The following TIAM1 variants were observed in gnomAD, a reference collection of about 807,000 sequenced individuals.
TIAM1 encodes rho guanine nucleotide exchange factor TIAM1.
Under a neutral mutation model 163.5 loss-of-function variants are expected in TIAM1, and 65 were observed. The observed-to-expected ratio is 0.40, with a 90% confidence interval of 0.33 to 0.49. TIAM1 has a LOEUF of 0.49. TIAM1 is among the 20% of genes least tolerant of loss of function. TIAM1 has a pLI of 0.77. For synonymous variants in TIAM1, 833 were observed against 810.1 expected (o/e 1.03, Z -0.48); for missense variants, 1,789 against 2,044.7 (o/e 0.87, Z 2.41).
intron 2 of TIAM1, among the ~76,000 whole-genome samples, chr21:31,425,452 C>T (rs112437857): frequency 0.028 from 4,241 of 152,160 alleles, 180 homozygotes; most frequent in African/African-American, 0.095. Context: ...GAGTGCCAAG[C>T]AGGTTAGACA....
intron 3 of TIAM1, among the ~76,000 whole-genome samples, chr21:31,275,215 T>C (rs1411589281): frequency 2.0e-5 from 3 of 152,224 alleles, no homozygotes; most frequent in Non-Finnish European, 4.4e-5. Flanking sequence ...AAAGCAATTA[T>C]TCCGGATGGA....
intron 1 of TIAM1, among the ~76,000 whole-genome samples, chr21:31,490,558 A>C (rs1244558947): frequency 6.6e-6 from 1 of 152,184 alleles, no homozygotes; most frequent in Non-Finnish European, 1.5e-5. Context: ...AGACTCAGGG[A>C]ACCGCCGCTG....
chr21:31,451,662 A>G (rs1173660781), intron 2 of TIAM1, among the ~76,000 whole-genome samples: 1 of 115,838 alleles, frequency 8.6e-6, no homozygotes, highest in Non-Finnish European at 2.0e-5. Context: ...TCATAGAGAA[A>G]AGGATGGACA....
intron 13 of TIAM1, among the ~76,000 whole-genome samples, chr21:31,194,260 T>C (rs1481559195): frequency 1.3e-5 from 2 of 152,058 alleles, no homozygotes; most frequent in Non-Finnish European, 2.9e-5. Flanking sequence ...TTCAGTATAA[T>C]TTGCTATTAA....
intron 2 of TIAM1, among the ~76,000 whole-genome samples, chr21:31,409,020 G>GGT (rs1569305388): frequency 2.6e-5 from 4 of 151,912 alleles, no homozygotes; most frequent in African/African-American, 9.7e-5. Context: ...TCATCAGTGC[G>GGT]GTGGGTCCTA....
At chr21:31,227,714 G>A (rs551979322) in intron 6 of TIAM1, among the ~76,000 whole-genome samples, 1 of 152,252 alleles carries the variant, frequency 6.6e-6, no homozygotes, top group East Asian at 1.9e-4. Flanking sequence ...TTTTATAGTT[G>A]TCTCCTCTTT....
At chr21:31,511,517 A>G (rs1391052185) in intron 1 of TIAM1, among the ~76,000 whole-genome samples, 1 of 152,174 alleles carries the variant, frequency 6.6e-6, no homozygotes, top group Non-Finnish European at 1.5e-5. Flanking sequence ...GCATGATAAT[A>G]ATAGTATCTA....
At position 31,315,679 on chromosome 21, in the gene TIAM1, C is replaced by CAAAAAAAAAAAAAAAAAA. The variant is rs58560437; in HGVS notation, c.-189+23546_-189+23563dup. On this transcript the variant is annotated intron_variant, in intron 2 of 27. Transcript: ENST00000541036. Reference sequence around the variant, plus strand: ...GGGCAACAAGAGCAAAACTCCATCTCAAAAAAAAAAAAAAAAAAAAGGACA... The same window carrying CAAAAAAAAAAAAAAAAAA: ...GGGCAACAAGAGCAAAACTCCATCTCAAAAAAAAAAAAAAAAAAAAAAAAAAAAAAAAAAAAAAGGACA... 1.5e-3 allele frequency among the ~76,000 whole-genome samples: 119 copies of CAAAAAAAAAAAAAAAAAA among 80,238 alleles called. 4 individuals are homozygous for CAAAAAAAAAAAAAAAAAA. The highest frequency in any genetic ancestry group is 2.7e-3 in the African/African-American group (61 of 22,362). 52.6% of individuals were successfully genotyped at this position (80,238 alleles called of 152,430 possible). A position where few individuals can be genotyped will look rare whatever the true frequency, so the allele number is the denominator to read the frequency against.
At chr21:31,388,212 AACACACACACACACACACACACAC>A (rs11369323) in intron 2 of TIAM1, among the ~76,000 whole-genome samples, 7 of 115,846 alleles carry the variant, frequency 6.0e-5, no homozygotes, top group Admixed American at 5.2e-4. Context: ...AGAAGACCCT[AACACACACACACACACACACACAC>A]ACACACACAC....
intron 2 of TIAM1, among the ~76,000 whole-genome samples, chr21:31,280,056 T>G (rs1474310763): frequency 6.6e-6 from 1 of 151,712 alleles, no homozygotes; most frequent in Non-Finnish European, 1.5e-5. Flanking sequence ...ACAGCCATAC[T>G]GATGAAATCC....
chr21:31,211,329 C>A (rs1287763780), intron 10 of TIAM1, among the ~76,000 whole-genome samples: 1 of 152,118 alleles, frequency 6.6e-6, no homozygotes, highest in Non-Finnish European at 1.5e-5. Flanking sequence ...ATGTTAGGAG[C>A]CCCGCGAAAT....
intron 27 of TIAM1, among the ~76,000 whole-genome samples, chr21:31,123,309 G>A (rs2082068905): frequency 6.6e-6 from 1 of 152,158 alleles, no homozygotes; most frequent in Non-Finnish European, 1.5e-5. Flanking sequence ...AAGAGGGGCA[G>A]ATAAGACAAA....
rs4817392 is a variant in TIAM1, at chr21:31,295,277, C to A, written c.-188-18369G>T. ...TGAAGTCAGGAAATCGAGACCATCC[C>A]GGCTAACACGGTGAAACCCCGTCTC... On this transcript the variant is annotated intron_variant, in intron 2 of 27. Coordinates refer to ENST00000541036, the MANE Select transcript of TIAM1 (RefSeq NM_001353694.2). Among the ~76,000 whole-genome samples the A allele has an allele frequency of 1.1e-3, 160 of 151,986 alleles. 4 individuals carry two copies. The South Asian group carries it at 0.027, about 26-fold the overall frequency.
intron 1 of TIAM1, among the ~76,000 whole-genome samples, chr21:31,467,742 G>A (rs373010491): frequency 2.4e-4 from 36 of 152,178 alleles, no homozygotes; most frequent in Middle Eastern, 3.4e-3. Context: ...AGGATTGCTC[G>A]AGTCCAGGGT....
chr21:31,506,260 G>A (rs1012493352), intron 1 of TIAM1, among the ~76,000 whole-genome samples: 3 of 58,884 alleles, frequency 5.1e-5, no homozygotes, highest in East Asian at 5.7e-3. Flanking sequence ...TCTCACACAC[G>A]TACACACACA....
At chr21:31,427,877 T>G (rs2043853227) in intron 2 of TIAM1, among the ~76,000 whole-genome samples, 1 of 152,094 alleles carries the variant, frequency 6.6e-6, no homozygotes, top group Non-Finnish European at 1.5e-5. Flanking sequence ...AAAAGCAGTC[T>G]TCTTGTAGAA....
In TIAM1 at chr21:31,401,342, T is replaced by G. The variant is rs181620045; in HGVS notation, c.-368-61920A>C. Among the ~76,000 whole-genome samples the G allele has an allele frequency of 6.8e-3, 1,043 of 152,318 alleles. 4 individuals are homozygous for G. Among genetic ancestry groups the G allele is most frequent in the Middle Eastern group, 0.014 (4 of 294 alleles). On this transcript the variant is annotated intron_variant, in intron 2 of 28. Coordinates refer to the TIAM1 transcript ENST00000286827. ...ACTCCAGCACTTCTGTACCTCTTCC[T>G]CATTCTACTGTCTAGACCTGAAATT...
At position 31,444,458 on chromosome 21, in the gene TIAM1, C is replaced by T. The variant is rs1375402195; in HGVS notation, c.-369+19525G>A. On this transcript the variant is annotated intron_variant, in intron 2 of 28. Coordinates refer to the TIAM1 transcript ENST00000286827. ...GGTTTTTAAGCATAAGGGGTTGGAT[C>T]TGATGAATTTCATGTTTGTGCTCTG... 3.3e-5 allele frequency among the ~76,000 whole-genome samples: 5 copies of T among 151,210 alleles called. No homozygotes were observed. The East Asian group carries it at 7.7e-4, about 23-fold the overall frequency.
intron 2 of TIAM1, among the ~76,000 whole-genome samples, chr21:31,404,178 A>G (rs1192469392): frequency 1.3e-5 from 2 of 152,176 alleles, no homozygotes; most frequent in African/African-American, 2.4e-5. Context: ...AAGATGACAC[A>G]ATGACCTTGA....
Sources: gnomAD v4.1 joint callset for allele counts (sites outside exome capture counted in the v4.1 genomes callset) on GRCh38, gnomAD v4.1.1 for gene constraint, MANE v1.5 for transcripts, NCBI Gene and HGNC (gene_info 2026-07-23, HGNC 2026-07-21) for gene names.